ATP13A3: variants seen among roughly 807,000 people sequenced by gnomAD.
The protein encoded by ATP13A3 is ATPase 13A3, also known as polyamine-transporting ATPase 13A3.
ATP13A3 carries 59 observed loss-of-function variants against 158.1 expected under a neutral mutation model. That is an observed-to-expected ratio of 0.37 (90% CI 0.30 to 0.46). The LOEUF (loss-of-function observed/expected upper bound fraction) is 0.46, where lower values mean the gene tolerates loss of function less well. Among genes scored for constraint, ATP13A3 ranks in the 20% least tolerant of loss-of-function variants. The probability of loss-of-function intolerance (pLI) is 1.00; values close to 1 mark genes in which losing one functional copy is unlikely to be tolerated. For synonymous variants in ATP13A3, 491 were observed against 504.3 expected (o/e 0.97, Z 0.35); for missense variants, 1,166 against 1,525.2 (o/e 0.76, Z 3.92).
At chr3:194,423,323 T>TA (rs1331217424) in intron 30 of ATP13A3, among the ~76,000 whole-genome samples, 5 of 152,200 alleles carry the variant, frequency 3.3e-5, no homozygotes, top group Admixed American at 6.5e-5. Flanking sequence ...GATTAATTCT[T>TA]AAAAATCATA....
intron 2 of ATP13A3, among the ~76,000 whole-genome samples, chr3:194,465,073 G>A (rs1719907512): frequency 6.6e-6 from 1 of 152,134 alleles, no homozygotes; most frequent in Admixed American, 6.5e-5. Context: ...CTGCCCTAAA[G>A]CAACAACAAA....
At position 194,454,386 on chromosome 3, in the gene ATP13A3, T is replaced by C; in HGVS notation, c.637A>G (p.Asn213Asp). 1 of 1,610,248 alleles carries C rather than the reference T, an allele frequency of 6.2e-7. No homozygotes were observed. The highest frequency in any genetic ancestry group is 1.1e-5 in the South Asian group (1 of 90,870). Residue 213 changes from asparagine to aspartate, a missense_variant, in exon 9 of 34, where the codon AAC becomes GAC. Physicochemically the swap from Asn to Asp is conservative, Grantham distance 23. Transcript: ENST00000645319. ...AACAGCTGGAAAATGTAAAATGGGT[T>C]GAGAACCTAAAAAACAAGATTTTAA... Reference protein sequence around the residue: ...VFKLLIKEVLNPFYIFQLFSV... With the variant: ...VFKLLIKEVLDPFYIFQLFSV...
intron 2 of ATP13A3, among the ~76,000 whole-genome samples, chr3:194,465,805 AACACACAC>A (rs370056574): frequency 6.7e-6 from 1 of 148,626 alleles, no homozygotes; most frequent in African/African-American, 2.5e-5. Flanking sequence ...CTCTACTAAA[AACACACAC>A]ACACACACAC....
In ATP13A3 at chr3:194,470,580, TA is replaced by T. The variant is rs576175561; in HGVS notation, c.-46-8345del. Among the ~76,000 whole-genome samples, 1,380 of 151,394 alleles carry T rather than the reference TA, an allele frequency of 9.1e-3. 7 individuals carry two copies. The highest frequency in any genetic ancestry group is 0.031 in the Middle Eastern group (9 of 292). On this transcript the variant is annotated intron_variant, in intron 2 of 33. Transcript: ENST00000645319. ...ATACGTGCATTTTACTCTCTCTTTA[TA>T]AAAAAAAATGTGCAAAATATCATTT...
At chr3:194,456,315 T>A (rs892221850) in intron 7 of ATP13A3, among the ~76,000 whole-genome samples, 1 of 145,268 alleles carries the variant, frequency 6.9e-6, no homozygotes, top group Admixed American at 6.8e-5. Context: ...GCCAAATAAA[T>A]TTGAGGGATC....
chr3:194,432,372 A>G (rs1717290302), intron 21 of ATP13A3, among the ~76,000 whole-genome samples: 1 of 152,260 alleles, frequency 6.6e-6, no homozygotes, highest in African/African-American at 2.4e-5. Flanking sequence ...AACGAGAAAC[A>G]AGAGAGACAA....
intron 15 of ATP13A3, among the ~76,000 whole-genome samples, chr3:194,441,930 A>T (rs1455505897): frequency 6.6e-6 from 1 of 152,214 alleles, no homozygotes; most frequent in Non-Finnish European, 1.5e-5. Flanking sequence ...AAAATAGCTA[A>T]TATCTGCATA....
rs1396623708 is a variant in ATP13A3, at chr3:194,447,993, T to G, written c.1167A>C (p.Lys389Asn). Reference protein sequence around the residue: ...IVVRTGFSTSKGQLVRSILYP... With the variant: ...IVVRTGFSTSNGQLVRSILYP... ...ACAATATGGAACGAACAAGCTGTCC[T>G]TTGGAAGTACTAAATCCTTTCAAAA... The change falls in exon 13 of 34, where the codon AAA (lysine) becomes AAC (asparagine). Residue 389 changes from lysine to asparagine, a missense_variant. By Grantham distance (94) the Lys-to-Asn change is moderately conservative. This residue lies in a region of ATP13A3 where 997 missense variants were observed against 1,341.2 expected (regional missense o/e 0.74). Coordinates refer to ENST00000645319, the MANE Select transcript of ATP13A3 (RefSeq NM_001367549.1). 4 of 1,607,010 alleles carry G rather than the reference T, an allele frequency of 2.5e-6. No individual in the cohort carries two copies. Among genetic ancestry groups the G allele is most frequent in the Non-Finnish European group, 1.7e-6 (2 of 1,174,114 alleles).
chr3:194,414,284 A>T (rs2108739119), intron 31 of ATP13A3, among the ~76,000 whole-genome samples: 1 of 152,186 alleles, frequency 6.6e-6, no homozygotes, highest in South Asian at 2.1e-4. Flanking sequence ...GCAACATGGC[A>T]AAATCTCGTC....
At chr3:194,452,644 G>C (rs1718890151) in intron 10 of ATP13A3, 1 of 151,900 alleles carries the variant, frequency 6.6e-6, no homozygotes, top group Non-Finnish European at 1.5e-5. Flanking sequence ...TTCTTATAAT[G>C]TCCACACAAT....
intron 30 of ATP13A3, among the ~76,000 whole-genome samples, chr3:194,425,044 A>G (rs1716661935): frequency 6.6e-6 from 1 of 152,200 alleles, no homozygotes; most frequent in Non-Finnish European, 1.5e-5. Flanking sequence ...TGGGCTGAGG[A>G]ACCTCCGTCT....
intron 2 of ATP13A3, among the ~76,000 whole-genome samples, chr3:194,479,455 A>G (rs1327377949): frequency 1.3e-5 from 2 of 152,074 alleles, no homozygotes; most frequent in East Asian, 1.9e-4. Flanking sequence ...ATAAACATTA[A>G]AAAAAGGAGA....
chr3:194,424,477 G>GA (rs1716614695), intron 30 of ATP13A3: 1 of 152,082 alleles, frequency 6.6e-6, no homozygotes. Flanking sequence ...TAATGTATGA[G>GA]AAAATGCCTT....
chr3:194,470,021 G>A (rs1720230598), intron 2 of ATP13A3, among the ~76,000 whole-genome samples: 1 of 152,062 alleles, frequency 6.6e-6, no homozygotes. Flanking sequence ...TTCTTTATGA[G>A]GGCAAAACTT....
chr3:194,403,800 A>C lies in ATP13A3; in HGVS notation c.*2119T>G, dbSNP rs2108680671. The C allele has an allele frequency of 4.4e-6, 1 of 226,910 alleles. No homozygotes were observed. The highest frequency in any genetic ancestry group is 1.6e-3 in the Middle Eastern group (1 of 614). 14.1% of individuals were successfully genotyped at this position (226,910 alleles called of 1,614,324 possible). On this transcript the variant is annotated 3_prime_UTR_variant, in exon 34 of 34. Transcript: ENST00000645319. ...TCAACGTGAATAACCCACCTTGTCT[A>C]TATTCAAATCTAACTTCCTACAAAT...
chr3:194,430,898 C>T, intron 24 of ATP13A3, 45 bp downstream of exon 24: 3 of 1,443,868 alleles, frequency 2.1e-6, no homozygotes, highest in Non-Finnish European at 2.8e-6. Flanking sequence ...GAAATGAAAC[C>T]ATCATTCATC....
Position 194,459,716 on chromosome 3 carries a change from T to C in ATP13A3, c.408+73A>G, listed in dbSNP as rs1042827686. On this transcript the variant is annotated intron_variant, in intron 5 of 33. Coordinates refer to ENST00000645319, the MANE Select transcript of ATP13A3 (RefSeq NM_001367549.1). ...AGCATTAACTGCAAACACAAAATTA[T>C]AGAATATACATGATAGCATAAAATG... 4.2e-5 allele frequency: 62 copies of C among 1,467,298 alleles called. No homozygotes were observed. In the Admixed American group the frequency reaches 8.9e-4, roughly 21 times the overall value. The allele number at this position is 1,467,298 out of a possible 1,614,324, so 90.9% of individuals were successfully genotyped here.
intron 28 of ATP13A3, 86 bp downstream of exon 28, chr3:194,428,759 A>C (rs1717000162): frequency 2.2e-6 from 2 of 904,816 alleles, no homozygotes; most frequent in Non-Finnish European, 3.5e-6. Context: ...CTATGTTACA[A>C]TTGTTGATGT....
chr3:194,438,942 C>T lies in ATP13A3; in HGVS notation c.1741G>A (p.Ala581Thr), dbSNP rs760077533. 2.5e-6 allele frequency: 4 copies of T among 1,598,654 alleles called. No homozygotes were observed. The African/African-American group carries it at 5.4e-5, about 22-fold the overall frequency. Reference sequence around the variant, plus strand: ...GTGGGCATAATTCGATTATGAAGTGCTGTTTCTTCTTCAGTTGCTTCTTCC... The same window carrying T: ...GTGGGCATAATTCGATTATGAAGTGTTGTTTCTTCTTCAGTTGCTTCTTCC... ...ILEEATEEET[A>T]LHNRIMPTVV... Residue 581 changes from alanine to threonine, a missense_variant, in exon 17 of 34, where the codon GCA becomes ACA. By Grantham distance (58) the Ala-to-Thr change is moderately conservative. Coordinates refer to ENST00000645319, the MANE Select transcript of ATP13A3 (RefSeq NM_001367549.1).
Sources: gnomAD v4.1 joint callset for allele counts (sites outside exome capture counted in the v4.1 genomes callset) on GRCh38, gnomAD v4.1.1 for gene constraint, gnomAD v4.1.1 regional missense constraint, MANE v1.5 for transcripts, NCBI Gene and HGNC (gene_info 2026-07-23, HGNC 2026-07-21) for gene names.